Variants in ZDHHC3 observed in about 807,000 individuals in gnomAD.
The protein encoded by ZDHHC3 is zDHHC palmitoyltransferase 3.
A neutral mutation model predicts 30.6 loss-of-function variants in ZDHHC3; 9 were observed. The ratio of observed to expected loss-of-function variants is 0.29; its 90% CI spans 0.18 to 0.51. The LOEUF (loss-of-function observed/expected upper bound fraction) is 0.51. Among genes scored for constraint, ZDHHC3 ranks in the 20% least tolerant of loss-of-function variants. The pLI is 0.97. For synonymous variants in ZDHHC3, 136 were observed against 140.2 expected, an observed-to-expected ratio of 0.97 and a Z score of 0.21; for missense variants, 246 against 384.2, an observed-to-expected ratio of 0.64 and a Z score of 3.01.
chr3:44,949,642 T>A (rs890539680), intron 2 of ZDHHC3, among the ~76,000 whole-genome samples: 2 of 152,022 alleles, frequency 1.3e-5, no homozygotes, highest in Non-Finnish European at 2.9e-5. Flanking sequence ...AACCAAAATG[T>A]CATTATTGTC....
chr3:44,959,200 G>T lies in ZDHHC3; in HGVS notation c.237C>A (p.Asn79Lys). The T allele has an allele frequency of 1.2e-6, 2 of 1,614,256 alleles. No homozygotes were observed. Among genetic ancestry groups the T allele is most frequent in the Non-Finnish European group, 1.7e-6 (2 of 1,180,048 alleles). Residue 79 changes from asparagine (N) to lysine (K), a missense_variant, in exon 2 of 7, where the codon AAC (asparagine) becomes AAA (lysine). Asn to Lys is a moderately conservative substitution (Grantham distance 94). Coordinates refer to ENST00000424952, the MANE Select transcript of ZDHHC3 (RefSeq NM_001135179.2). This position sits in a 1 kb window ranked among gnomAD's most constrained non-coding sequence, Gnocchi z 4.3. ...AGGCCAGCAGGTTGAACACAATTCC[G>T]TTGATGATGCTATACACGTAGTCTC... ...PSRDYVYSII[N>K]GIVFNLLAFL...
intron 4 of ZDHHC3, 164 bp from the exon 5 acceptor site, chr3:44,933,363 T>C: frequency 1.5e-6 from 1 of 654,262 alleles, no homozygotes; most frequent in South Asian, 1.8e-5. Flanking sequence ...TACAGATCCG[T>C]CTACCCACCA....
At position 44,925,478 on chromosome 3, in the gene ZDHHC3, C is replaced by A; in HGVS notation, c.*1211G>T. ...CCTCCTTCACCTCTATCCACCATCA[C>A]CACCTCCTTCAAACAAGACTGACAC... On this transcript the variant is annotated 3_prime_UTR_variant, in exon 7 of 7. Transcript: ENST00000424952. 1.0e-6 allele frequency: 1 copy of A among 985,476 alleles called. No individual in the cohort carries two copies. Among genetic ancestry groups the A allele is most frequent in the Non-Finnish European group, 1.2e-6 (1 of 829,938 alleles). The allele number at this position is 985,476 out of a possible 1,614,324, so 61.0% of individuals were successfully genotyped here.
In ZDHHC3 at chr3:44,921,472, C is replaced by A; in HGVS notation, c.*5217G>T. ...CATTCCAGAACACATATACACACAA[C>A]TCCCTAAGCTTCATAAAACAATACT... On this transcript the variant is annotated 3_prime_UTR_variant, in exon 7 of 7. Transcript: ENST00000424952. 1.0e-6 allele frequency: 1 copy of A among 985,442 alleles called. No individual in the cohort carries two copies. Among genetic ancestry groups the A allele is most frequent in the Non-Finnish European group, 1.2e-6 (1 of 829,932 alleles). The allele number at this position is 985,442 out of a possible 1,614,324, so 61.0% of individuals were successfully genotyped here. A position where few individuals can be genotyped will look rare whatever the true frequency, so the allele number is the denominator to read the frequency against.
intron 3 of ZDHHC3, among the ~76,000 whole-genome samples, chr3:44,938,820 C>T (rs750096735): frequency 3.3e-5 from 5 of 152,134 alleles, no homozygotes; most frequent in Non-Finnish European, 5.9e-5. Flanking sequence ...AAAGACTACC[C>T]GGAAACAGTC....
At chr3:44,930,271 A>C (rs1269135816) in intron 5 of ZDHHC3, among the ~76,000 whole-genome samples, 2 of 152,194 alleles carry the variant, frequency 1.3e-5, no homozygotes, top group South Asian at 2.1e-4. Flanking sequence ...AACCCAGCGC[A>C]TGGAAGAGAA....
chr3:44,945,626 C>T (rs962401543), intron 2 of ZDHHC3, among the ~76,000 whole-genome samples: 6 of 151,926 alleles, frequency 3.9e-5, no homozygotes, highest in Non-Finnish European at 5.9e-5. Context: ...GGTGTAATCT[C>T]GGCTTGCTGC....
At chr3:44,949,850 T>C (rs1288157043) in intron 2 of ZDHHC3, among the ~76,000 whole-genome samples, 1 of 152,176 alleles carries the variant, frequency 6.6e-6, no homozygotes, top group African/African-American at 2.4e-5. Flanking sequence ...TTTCTTTTTT[T>C]TTTGAAACAG....
Position 44,924,398 on chromosome 3 carries a change from T to C in ZDHHC3, c.*2291A>G, listed in dbSNP as rs1434853496. On this transcript the variant is annotated 3_prime_UTR_variant, in exon 7 of 7. Transcript: ENST00000424952. Reference sequence around the variant, plus strand: ...CAGGAACCTTGGGGTATTCCTATCTTCTGAGAGCAACTGGTTTGAGAGCTC... The same window carrying C: ...CAGGAACCTTGGGGTATTCCTATCTCCTGAGAGCAACTGGTTTGAGAGCTC... The C allele has an allele frequency of 3.0e-6, 3 of 985,344 alleles. No homozygotes were observed. The East Asian group carries it at 3.4e-4, about 112-fold the overall frequency. 61.0% of individuals were successfully genotyped at this position (985,344 alleles called of 1,614,324 possible).
At chr3:44,961,188 T>C (rs926919709) in intron 1 of ZDHHC3, among the ~76,000 whole-genome samples, 5 of 152,136 alleles carry the variant, frequency 3.3e-5, no homozygotes, top group Non-Finnish European at 5.9e-5. Context: ...GTCAGGAGAT[T>C]GAGACCATCC....
intron 5 of ZDHHC3, 29 bp from the exon 6 acceptor site, chr3:44,929,465 G>A (rs1287972986): frequency 6.2e-7 from 1 of 1,612,070 alleles, no homozygotes; most frequent in East Asian, 2.2e-5. Flanking sequence ...ACAGGGATTG[G>A]TACTGTCACC....
intron 5 of ZDHHC3, among the ~76,000 whole-genome samples, chr3:44,929,737 G>A (rs185300087): frequency 1.8e-4 from 28 of 152,278 alleles, no homozygotes; most frequent in African/African-American, 5.5e-4. Flanking sequence ...ACATGGAAGG[G>A]CCCAGGAAGG....
rs1700954016 is a variant in ZDHHC3 at position 44,925,998 on chromosome 3, AG to A, written c.*690del. 6.1e-6 allele frequency: 6 copies of A among 985,872 alleles called. No homozygotes were observed. In the South Asian group the frequency reaches 2.3e-4, roughly 39 times the overall value. The allele number at this position is 985,872 out of a possible 1,614,324, so 61.1% of individuals were successfully genotyped here. A position where few individuals can be genotyped will look rare whatever the true frequency, so the allele number is the denominator to read the frequency against. On this transcript the variant is annotated 3_prime_UTR_variant, in exon 7 of 7. Coordinates refer to ENST00000424952, the MANE Select transcript of ZDHHC3 (RefSeq NM_001135179.2). ...CCTACACACTCTTCCAAATAATCAC[AG>A]GGAATATAATTGCTGATTCAGAATA...
intron 3 of ZDHHC3, among the ~76,000 whole-genome samples, chr3:44,941,757 TAAA>T (rs199887044): frequency 1.0e-4 from 12 of 117,252 alleles, no homozygotes; most frequent in East Asian, 2.4e-4. Context: ...GCTGATGAGC[TAAA>T]AAAAAAAAAA....
intron 3 of ZDHHC3, among the ~76,000 whole-genome samples, chr3:44,941,101 A>T (rs979885790): frequency 6.6e-6 from 1 of 152,146 alleles, no homozygotes; most frequent in Non-Finnish European, 1.5e-5. Flanking sequence ...CTCTGACACC[A>T]CAGACAGGAA....
chr3:44,928,989 T>A (rs112083507), intron 6 of ZDHHC3, among the ~76,000 whole-genome samples: 3,721 of 152,168 alleles, frequency 0.024, 157 homozygotes, highest in African/African-American at 0.082. Flanking sequence ...CAGTGCCTAG[T>A]GGAGTGTCTA....
At chr3:44,975,362 A>T (rs1459316536) in intron 1 of ZDHHC3, 1 of 152,088 alleles carries the variant, frequency 6.6e-6, no homozygotes, top group East Asian at 1.9e-4. Flanking sequence ...AATCACTTCC[A>T]TCAAGCCGGG....
intron 6 of ZDHHC3, 147 bp downstream of exon 6, chr3:44,929,159 G>C: frequency 9.3e-7 from 1 of 1,080,498 alleles, no homozygotes; most frequent in Non-Finnish European, 1.3e-6. Flanking sequence ...TGACCCAAGT[G>C]TAACTGCAAA....
chr3:44,941,311 TG>T (rs1188662338), intron 3 of ZDHHC3, among the ~76,000 whole-genome samples: 1 of 152,128 alleles, frequency 6.6e-6, no homozygotes, highest in Admixed American at 6.5e-5. Flanking sequence ...GAAACGATTT[TG>T]GGAAGGACAG....
Sources: gnomAD v4.1 joint callset for allele counts (sites outside exome capture counted in the v4.1 genomes callset) on GRCh38, gnomAD v4.1.1 for gene constraint, Gnocchi (gnomAD v3.1) non-coding constraint, MANE v1.5 for transcripts, NCBI Gene and HGNC (gene_info 2026-07-23, HGNC 2026-07-21) for gene names.